The following FERMT2 variants were observed in gnomAD, a reference collection of about 807,000 sequenced individuals.
The protein encoded by FERMT2 is FERM domain containing kindlin 2, also known as fermitin family homolog 2.
FERMT2 carries 15 observed loss-of-function variants against 82.7 expected under a neutral mutation model. The ratio of observed to expected loss-of-function variants is 0.18; its 90% CI spans 0.12 to 0.28. The LOEUF (loss-of-function observed/expected upper bound fraction) is 0.28, where lower values mean the gene tolerates loss of function less well. FERMT2 is among the 10% of genes least tolerant of loss of function. FERMT2 has a pLI of 1.00. For synonymous variants in FERMT2, 274 were observed against 271.5 expected (o/e 1.01, Z -0.09); for missense variants, 645 against 809.4 (o/e 0.80, Z 2.46).
intron 13 of FERMT2, chr14:52,859,989 T>C (rs1323384677): frequency 3.8e-6 from 1 of 265,844 alleles, no homozygotes; most frequent in East Asian, 7.6e-5. Flanking sequence ...CACTAATTTT[T>C]TGTATTTTTA....
chr14:52,892,904 T>C (rs550100848), intron 4 of FERMT2, among the ~76,000 whole-genome samples: 2 of 152,328 alleles, frequency 1.3e-5, no homozygotes, highest in South Asian at 4.1e-4. Context: ...GCTTCCTCTT[T>C]ATTGATTCAA....
chr14:52,948,274 C>T (rs764275819), intron 2 of FERMT2, among the ~76,000 whole-genome samples: 4 of 152,200 alleles, frequency 2.6e-5, no homozygotes, highest in African/African-American at 4.8e-5. Context: ...TCCAGTTTTA[C>T]GCAACTCTGA....
chr14:52,881,001 G>T, intron 6 of FERMT2, 35 bp downstream of exon 6: 1 of 1,350,886 alleles, frequency 7.4e-7, no homozygotes, highest in Non-Finnish European at 1.0e-6. Flanking sequence ...CAAATTAATG[G>T]GGAAAAAAAA....
intron 10 of FERMT2, among the ~76,000 whole-genome samples, chr14:52,867,178 C>G (rs1885336691): frequency 6.6e-6 from 1 of 151,660 alleles, no homozygotes; most frequent in East Asian, 1.9e-4. Context: ...CTCAAGCAAT[C>G]CACCACCTGC....
At position 52,858,277 on chromosome 14, in the gene FERMT2, T is replaced by A; in HGVS notation, c.*100A>T. On this transcript the variant is annotated 3_prime_UTR_variant, in exon 15 of 15. Coordinates refer to ENST00000341590, the MANE Select transcript of FERMT2 (RefSeq NM_006832.3). ...AGGCAAAGAAGTTTTCATGATAAAA[T>A]GATAAATTTCAAGCTTACTTTATTA... The A allele has an allele frequency of 1.9e-6, 2 of 1,058,154 alleles. No homozygotes were observed. Among genetic ancestry groups the A allele is most frequent in the African/African-American group, 1.6e-5 (1 of 62,246 alleles). 65.5% of individuals were successfully genotyped at this position (1,058,154 alleles called of 1,614,324 possible). A position where few individuals can be genotyped will look rare whatever the true frequency, so the allele number is the denominator to read the frequency against.
chr14:52,885,989 T>G (rs1198514265), intron 4 of FERMT2, among the ~76,000 whole-genome samples: 3 of 148,854 alleles, frequency 2.0e-5, no homozygotes, highest in African/African-American at 7.4e-5. Context: ...AAAATGCCAG[T>G]ATATAAAGGG....
At chr14:52,904,016 T>TA (rs1194367129) in intron 3 of FERMT2, among the ~76,000 whole-genome samples, 1 of 152,180 alleles carries the variant, frequency 6.6e-6, no homozygotes, top group Admixed American at 6.5e-5. Context: ...CAGCAACAAA[T>TA]ATATGTTGCA....
intron 3 of FERMT2, among the ~76,000 whole-genome samples, chr14:52,916,057 G>A (rs911697617): frequency 6.6e-6 from 1 of 152,236 alleles, no homozygotes; most frequent in Middle Eastern, 3.4e-3. Flanking sequence ...AAAAAGAAAT[G>A]AGCTGGCTGG....
intron 2 of FERMT2, among the ~76,000 whole-genome samples, chr14:52,927,282 G>GA (rs1177630476): frequency 1.3e-5 from 2 of 151,696 alleles, no homozygotes; most frequent in Admixed American, 6.6e-5. Flanking sequence ...AGAAAAAAAA[G>GA]AAAAAAATAC....
At chr14:52,862,224 C>G (rs1195960138) in intron 12 of FERMT2, 3 of 152,208 alleles carry the variant, frequency 2.0e-5, no homozygotes, top group South Asian at 4.1e-4. Context: ...ACCACCATGC[C>G]TGGCTAATTT....
At chr14:52,864,148 C>CA (rs1255974368) in intron 12 of FERMT2, among the ~76,000 whole-genome samples, 1 of 151,988 alleles carries the variant, frequency 6.6e-6, no homozygotes, top group Non-Finnish European at 1.5e-5. Context: ...TTATACTTAC[C>CA]AGTTGAGGAT....
At chr14:52,908,542 A>G (rs181866678) in intron 3 of FERMT2, among the ~76,000 whole-genome samples, 1 of 152,350 alleles carries the variant, frequency 6.6e-6, no homozygotes, top group African/African-American at 2.4e-5. Flanking sequence ...TAAGTGGAAG[A>G]AGCCATAAAG....
intron 4 of FERMT2, among the ~76,000 whole-genome samples, chr14:52,887,719 T>A (rs1886695732): frequency 6.6e-6 from 1 of 152,054 alleles, no homozygotes; most frequent in Non-Finnish European, 1.5e-5. Flanking sequence ...GGAGCCTGGA[T>A]GTGAATTCTA....
intron 3 of FERMT2, among the ~76,000 whole-genome samples, chr14:52,913,382 TC>T (rs1888434496): frequency 6.6e-6 from 1 of 152,202 alleles, no homozygotes; most frequent in Admixed American, 6.5e-5. Flanking sequence ...GGATATGGCT[TC>T]TCTGTCCTTA....
rs564592433 is a variant in FERMT2 at position 52,926,091 on chromosome 14, T to C, written c.158-6735A>G. ...AGAACAGATTTCAGACATCCACACA[T>C]TGAAGCTTTCCTCTAGCTAAAGACT... On this transcript the variant is annotated intron_variant, in intron 2 of 14. Coordinates refer to ENST00000341590, the MANE Select transcript of FERMT2 (RefSeq NM_006832.3). Among the ~76,000 whole-genome samples the C allele has an allele frequency of 4.6e-5, 7 of 152,178 alleles. No individual in the cohort carries two copies. The East Asian group carries it at 5.8e-4, about 13-fold the overall frequency.
chr14:52,947,350 G>A (rs1188994952), intron 2 of FERMT2, among the ~76,000 whole-genome samples: 1 of 152,112 alleles, frequency 6.6e-6, no homozygotes, highest in African/African-American at 2.4e-5. Context: ...ATGGTGGCGG[G>A]TGTCTGTAGT....
intron 4 of FERMT2, among the ~76,000 whole-genome samples, chr14:52,886,404 A>AC (rs1886612186): frequency 1.3e-5 from 2 of 152,190 alleles, no homozygotes; most frequent in South Asian, 4.2e-4. Flanking sequence ...CAGCAGTGTG[A>AC]CCACCCAGGT....
chr14:52,875,450 G>A, intron 7 of FERMT2, 93 bp from the exon 8 acceptor site: 1 of 906,496 alleles, frequency 1.1e-6, no homozygotes, highest in Non-Finnish European at 1.6e-6. Context: ...TGCTTTTCAG[G>A]ACCTAATTTG....
At chr14:52,927,080 C>T (rs939875472) in intron 2 of FERMT2, among the ~76,000 whole-genome samples, 6 of 152,012 alleles carry the variant, frequency 3.9e-5, no homozygotes, top group Non-Finnish European at 5.9e-5. Flanking sequence ...ACAAAAATAT[C>T]CTCCCTCAAC....
Sources: allele counts gnomAD v4.1 joint callset (sites outside exome capture counted in the v4.1 genomes callset), GRCh38; gene constraint gnomAD v4.1.1; transcripts MANE v1.5; gene names NCBI Gene and HGNC (gene_info 2026-07-23, HGNC 2026-07-21).